The following BMP8B variants were observed in gnomAD, a reference collection of about 807,000 sequenced individuals.
BMP8B encodes bone morphogenetic protein 8b.
A neutral mutation model predicts 30.3 loss-of-function variants in BMP8B; 17 were observed. The ratio of observed to expected loss-of-function variants is 0.56; its 90% CI spans 0.38 to 0.84. The LOEUF (loss-of-function observed/expected upper bound fraction) is 0.84. BMP8B is among the 40% of genes least tolerant of loss of function. The pLI, the probability that BMP8B is intolerant of heterozygous loss-of-function variation, is 0.00. For synonymous variants in BMP8B, 131 were observed against 214.7 expected, an observed-to-expected ratio of 0.61 and a Z score of 3.41; for missense variants, 253 against 494.6, an observed-to-expected ratio of 0.51 and a Z score of 4.63.
intron 1 of BMP8B, among the ~76,000 whole-genome samples, chr1:39,777,004 G>C (rs1650280285): frequency 6.6e-6 from 1 of 152,162 alleles, no homozygotes; most frequent in South Asian, 2.1e-4. Flanking sequence ...AAGAGTAATG[G>C]GTGCTTTTCA....
At chr1:39,760,759 A>AT (rs1164902972) in intron 6 of BMP8B, among the ~76,000 whole-genome samples, 191 bp from the exon 7 acceptor site, 2 of 152,136 alleles carry the variant, frequency 1.3e-5, no homozygotes, top group African/African-American at 4.8e-5. Flanking sequence ...AGCTGTAGTA[A>AT]CACGCAGTGC....
At chr1:39,771,590 GC>G (rs1649983262) in intron 3 of BMP8B, among the ~76,000 whole-genome samples, 1 of 151,076 alleles carries the variant, frequency 6.6e-6, no homozygotes, top group Non-Finnish European at 1.5e-5. Flanking sequence ...CCCCGCCCAA[GC>G]TTCCCCCCAG....
chr1:39,788,403 G>C lies in BMP8B; in HGVS notation c.83C>G (p.Pro28Arg). 2.8e-6 allele frequency: 3 copies of C among 1,073,520 alleles called. No individual in the cohort carries two copies. Among genetic ancestry groups the C allele is most frequent in the Non-Finnish European group, 3.4e-6 (3 of 888,540 alleles). 66.5% of individuals were successfully genotyped at this position (1,073,520 alleles called of 1,614,324 possible). A position where few individuals can be genotyped will look rare whatever the true frequency, so the allele number is the denominator to read the frequency against. The part of the protein sequence containing the change: ...LGGGGPGLRP[P>R]PGCPQRRLGA... ...CAGACGTCGCTGGGGACAGCCGGGC[G>C]GGGGTCGCAGGCCGGGGCCGCCCCC... Residue 28 changes from proline to arginine, a missense_variant, in exon 1 of 7, where the codon CCG (proline) becomes CGG (arginine). Pro to Arg is a moderately radical substitution (Grantham distance 103, BLOSUM62 -2). Transcript: ENST00000372827. The surrounding 1 kb of genome is among the most constrained non-coding windows in gnomAD (Gnocchi z 5.8).
chr1:39,768,443 G>A (rs1349530964), intron 3 of BMP8B, among the ~76,000 whole-genome samples: 1 of 143,872 alleles, frequency 7.0e-6, no homozygotes, highest in East Asian at 2.1e-4. Flanking sequence ...TTCCTTCTAC[G>A]GACATCTAGA....
At chr1:39,780,720 C>T (rs777629085) in intron 1 of BMP8B, among the ~76,000 whole-genome samples, 14 of 152,184 alleles carry the variant, frequency 9.2e-5, no homozygotes, top group Non-Finnish European at 1.6e-4. Flanking sequence ...CATGAGACCT[C>T]GTCTCTATAA....
chr1:39,776,006 G>A (rs1237739047), intron 1 of BMP8B, among the ~76,000 whole-genome samples: 2 of 152,304 alleles, frequency 1.3e-5, no homozygotes, highest in African/African-American at 2.4e-5. Flanking sequence ...TGTTGGGGAC[G>A]GCACATGAGC....
At chr1:39,769,699 C>G in intron 3 of BMP8B, 1 of 1,604,254 alleles carries the variant, frequency 6.2e-7, no homozygotes, top group Non-Finnish European at 8.5e-7. Flanking sequence ...GATCCAGGTC[C>G]CGTCAGGGTG....
chr1:39,777,594 G>A (rs191699812), intron 1 of BMP8B, among the ~76,000 whole-genome samples: 1 of 152,344 alleles, frequency 6.6e-6, no homozygotes, highest in Admixed American at 6.5e-5. Flanking sequence ...ACATCAACAA[G>A]GGCTCTGGCT....
chr1:39,784,708 G>C lies in BMP8B; in HGVS notation c.334+3444C>G, dbSNP rs1406353139. Among the ~76,000 whole-genome samples the C allele has an allele frequency of 7.3e-5, 9 of 123,782 alleles. 2 individuals are homozygous for C. The highest frequency in any genetic ancestry group is 1.3e-4 in the Non-Finnish European group (7 of 54,932). The allele number at this position is 123,782 out of a possible 152,430, so 81.2% of individuals were successfully genotyped here. On this transcript the variant is annotated intron_variant, in intron 1 of 6. Coordinates refer to ENST00000372827, the MANE Select transcript of BMP8B (RefSeq NM_001720.5). ...CACGGAGATGGTGCCACCCTTCTAGGTCACACGGCTGGCAAGGGCAGAGCA... is the reference window on the plus strand; with the variant it reads ...CACGGAGATGGTGCCACCCTTCTAGCTCACACGGCTGGCAAGGGCAGAGCA...
chr1:39,779,747 C>T (rs993203914), intron 1 of BMP8B, among the ~76,000 whole-genome samples: 9 of 152,224 alleles, frequency 5.9e-5, no homozygotes, highest in Non-Finnish European at 1.5e-5. Context: ...AGGCACCATG[C>T]TGGGCACACG....
Position 39,788,045 on chromosome 1 carries a change from C to G in BMP8B, c.334+107G>C. ...CCACTCCCCTGTGGTTCGCGTCCAC[C>G]GTCTGTGACTCCCCGTTCGGCCAGG... On this transcript the variant is annotated intron_variant, in intron 1 of 6. Coordinates refer to ENST00000372827, the MANE Select transcript of BMP8B (RefSeq NM_001720.5). The surrounding 1 kb of genome is among the most constrained non-coding windows in gnomAD (Gnocchi z 5.8). 7.3e-7 allele frequency: 1 copy of G among 1,369,486 alleles called. No homozygotes were observed. Among genetic ancestry groups the G allele is most frequent in the Non-Finnish European group, 9.4e-7 (1 of 1,063,092 alleles). The allele number at this position is 1,369,486 out of a possible 1,614,324, so 84.8% of individuals were successfully genotyped here. A position where few individuals can be genotyped will look rare whatever the true frequency, so the allele number is the denominator to read the frequency against.
intron 1 of BMP8B, among the ~76,000 whole-genome samples, chr1:39,782,163 A>C (rs1014130324): frequency 2.6e-5 from 4 of 151,140 alleles, no homozygotes; most frequent in African/African-American, 7.3e-5. Context: ...AAAAAAAAAA[A>C]AACAAAAAAA....
At chr1:39,785,433 C>T (rs1457616222) in intron 1 of BMP8B, among the ~76,000 whole-genome samples, 2 of 151,902 alleles carry the variant, frequency 1.3e-5, no homozygotes, top group Admixed American at 6.6e-5. Flanking sequence ...CCAGTGCAGG[C>T]TCTGAACATC....
At chr1:39,761,939 G>GAGGGGC (rs1472971230) in intron 6 of BMP8B, among the ~76,000 whole-genome samples, 1 of 152,252 alleles carries the variant, frequency 6.6e-6, no homozygotes, top group Admixed American at 6.5e-5. Context: ...TTGAGCCCCT[G>GAGGGGC]AGGGGCAGGG....
chr1:39,783,446 G>A (rs1650784726), intron 1 of BMP8B, among the ~76,000 whole-genome samples: 1 of 152,196 alleles, frequency 6.6e-6, no homozygotes, highest in Admixed American at 6.5e-5. Flanking sequence ...TGGCCAGACA[G>A]AACTTTGGGG....
intron 1 of BMP8B, among the ~76,000 whole-genome samples, chr1:39,782,530 C>T (rs1408155455): frequency 5.3e-5 from 8 of 151,968 alleles, no homozygotes; most frequent in East Asian, 3.9e-4. Flanking sequence ...TGCAATGGCG[C>T]GATCTCGGCT....
In BMP8B at chr1:39,783,506, C is replaced by T. The variant is rs76593545; in HGVS notation, c.334+4646G>A. ...GCAAGGACAAATACCTTTGGGCATA[C>T]AGTCACCCTAATAGTTGACTTTTAA... is the stretch of plus-strand genomic sequence containing the variant. On this transcript the variant is annotated intron_variant, in intron 1 of 6. Transcript: ENST00000372827. Among the ~76,000 whole-genome samples, 687 of 152,300 alleles carry T rather than the reference C, an allele frequency of 4.5e-3. 4 individuals are homozygous for T. Among genetic ancestry groups the T allele is most frequent in the Non-Finnish European group, 7.6e-3 (519 of 68,030 alleles).
intron 1 of BMP8B, 42 bp from the exon 2 acceptor site, chr1:39,775,080 C>T (rs765251802): frequency 5.7e-6 from 8 of 1,412,512 alleles, no homozygotes; most frequent in East Asian, 4.9e-5. Context: ...CAGAATGGCT[C>T]GGGCTCTGGA....
intron 1 of BMP8B, among the ~76,000 whole-genome samples, chr1:39,775,839 C>T (rs1366792193): frequency 9.9e-5 from 15 of 151,884 alleles, no homozygotes; most frequent in African/African-American, 2.2e-4. Context: ...CTGGGGAAGT[C>T]GGAGGGTCTC....
Sources: allele counts gnomAD v4.1 joint callset (sites outside exome capture counted in the v4.1 genomes callset), GRCh38; gene constraint gnomAD v4.1.1; non-coding constraint Gnocchi (gnomAD v3.1); transcripts MANE v1.5; gene names NCBI Gene and HGNC (gene_info 2026-07-23, HGNC 2026-07-21).